The following MMAB variants were observed in gnomAD, a reference collection of about 807,000 sequenced individuals.
MMAB encodes corrinoid adenosyltransferase MMAB.
A neutral mutation model predicts 30.6 loss-of-function variants in MMAB; 17 were observed. The ratio of observed to expected loss-of-function variants is 0.56; its 90% CI spans 0.38 to 0.83. The LOEUF is 0.83. Ranked by LOEUF, MMAB falls within the 40% of genes least tolerant of loss-of-function variation. The pLI, the probability that MMAB is intolerant of heterozygous loss-of-function variation, is 0.00. For missense variants in MMAB, 311 were observed against 331.6 expected (o/e 0.94, Z 0.48); for synonymous variants, 134 against 138.6 (o/e 0.97, Z 0.23).
intron 2 of MMAB, among the ~76,000 whole-genome samples, chr12:109,570,539 C>T (rs910697127): frequency 6.6e-6 from 1 of 152,110 alleles, no homozygotes; most frequent in African/African-American, 2.4e-5. Context: ...AAAAACAATA[C>T]ATACTAGTGG....
chr12:109,572,778 T>C (rs1303788759), intron 1 of MMAB, among the ~76,000 whole-genome samples: 2 of 152,120 alleles, frequency 1.3e-5, no homozygotes, highest in Non-Finnish European at 2.9e-5. Context: ...GCCACTTCCA[T>C]AGTATGAGGC....
At position 109,556,792 on chromosome 12, in the gene MMAB, C is replaced by T. The variant is rs1883993023; in HGVS notation, c.*236G>A. 4 of 643,802 alleles carry T rather than the reference C, an allele frequency of 6.2e-6. No individual in the cohort carries two copies. The highest frequency in any genetic ancestry group is 1.1e-5 in the Non-Finnish European group (4 of 348,736). The allele number at this position is 643,802 out of a possible 1,614,324, so 39.9% of individuals were successfully genotyped here. A position where few individuals can be genotyped will look rare whatever the true frequency, so the allele number is the denominator to read the frequency against. On this transcript the variant is annotated 3_prime_UTR_variant, in exon 9 of 9. Transcript: ENST00000545712. Reference sequence around the variant, plus strand: ...TTCCTGCAATGCCAATTCATTCCCACATCCCTCCAAGACCCAGGAGAGCTT... The same window carrying T: ...TTCCTGCAATGCCAATTCATTCCCATATCCCTCCAAGACCCAGGAGAGCTT...
rs373445302 is a variant in MMAB, at chr12:109,557,231, A to G, written c.645-95T>C. On this transcript the variant is annotated intron_variant, in intron 8 of 8. Transcript: ENST00000545712. ...CCATATCCGCCTACAAGGAGGAGAT[A>G]TAAATGACGCACTCTGGGCACATTG... is the stretch of plus-strand genomic sequence containing the variant. The G allele has an allele frequency of 6.8e-6, 6 of 880,186 alleles. 1 individual carries two copies. 54.5% of individuals were successfully genotyped at this position (880,186 alleles called of 1,614,324 possible).
chr12:109,559,274 G>A (rs1321349063), intron 7 of MMAB, 119 bp from the exon 8 acceptor site: 46 of 784,680 alleles, frequency 5.9e-5, no homozygotes, highest in South Asian at 4.7e-4. Context: ...ACCTGCACAG[G>A]CTCGGCCGGC....
At chr12:109,566,815 C>A (rs926479714) in intron 3 of MMAB, among the ~76,000 whole-genome samples, 1 of 152,266 alleles carries the variant, frequency 6.6e-6, no homozygotes, top group Non-Finnish European at 1.5e-5. Context: ...TCCTCCTCAA[C>A]TGAGAGACGA....
chr12:109,554,115 G>A lies in MMAB; in HGVS notation c.*2913C>T, dbSNP rs901387869. On this transcript the variant is annotated 3_prime_UTR_variant, in exon 9 of 9. Transcript: ENST00000545712. ...GCAGTGGGTGGGAGCTGAGGAGCACGGGGCTGTGAGTGACGAGGCCGCGTC... is the reference window on the plus strand; with the variant it reads ...GCAGTGGGTGGGAGCTGAGGAGCACAGGGCTGTGAGTGACGAGGCCGCGTC... 1.3e-5 allele frequency: 6 copies of A among 454,004 alleles called. No individual in the cohort carries two copies. The highest frequency in any genetic ancestry group is 4.0e-5 in the African/African-American group (2 of 50,104). The allele number at this position is 454,004 out of a possible 1,614,324, so 28.1% of individuals were successfully genotyped here.
intron 7 of MMAB, among the ~76,000 whole-genome samples, chr12:109,560,004 A>C (rs1445840447): frequency 6.6e-6 from 1 of 152,220 alleles, no homozygotes; most frequent in African/African-American, 2.4e-5. Flanking sequence ...TGCTGCATGG[A>C]GGACCTATCA....
In MMAB at chr12:109,556,494, G is replaced by C. The variant is rs566397984; in HGVS notation, c.*534C>G. The C allele has an allele frequency of 2.2e-6, 1 of 453,958 alleles. No individual in the cohort carries two copies. Among genetic ancestry groups the C allele is most frequent in the African/African-American group, 2.0e-5 (1 of 49,984 alleles). 28.1% of individuals were successfully genotyped at this position (453,958 alleles called of 1,614,324 possible). A position where few individuals can be genotyped will look rare whatever the true frequency, so the allele number is the denominator to read the frequency against. On this transcript the variant is annotated 3_prime_UTR_variant, in exon 9 of 9. Transcript: ENST00000545712. Reference sequence around the variant, plus strand: ...TTTGGCGGTGATGGGTGGCTCAGAGGTGACTAAACTTCCAAATCTTGTCCG... The same window carrying C: ...TTTGGCGGTGATGGGTGGCTCAGAGCTGACTAAACTTCCAAATCTTGTCCG...
intron 1 of MMAB, among the ~76,000 whole-genome samples, chr12:109,572,854 A>G (rs539729010): frequency 6.6e-6 from 1 of 152,366 alleles, no homozygotes; most frequent in Non-Finnish European, 1.5e-5. Context: ...TTCAAAAAAC[A>G]ATGTAAACAA....
intron 1 of MMAB, 75 bp downstream of exon 1, chr12:109,573,272 G>T: frequency 1.9e-6 from 3 of 1,591,578 alleles, no homozygotes; most frequent in Non-Finnish European, 1.7e-6. Context: ...ACCTCACGGC[G>T]GTGTGACGTA....
chr12:109,571,012 T>C (rs1884612417), intron 2 of MMAB, among the ~76,000 whole-genome samples: 1 of 152,136 alleles, frequency 6.6e-6, no homozygotes, highest in Admixed American at 6.5e-5. Flanking sequence ...AATAAAAGTA[T>C]GTAAATAGTG....
At chr12:109,557,645 A>G (rs1289077612) in intron 8 of MMAB, among the ~76,000 whole-genome samples, 3 of 152,152 alleles carry the variant, frequency 2.0e-5, no homozygotes, top group Non-Finnish European at 2.9e-5. Context: ...GACATTCTGG[A>G]TCATTCTGTG....
In MMAB at chr12:109,555,873, T is replaced by C. The variant is rs759334977; in HGVS notation, c.*1155A>G. The C allele has an allele frequency of 9.7e-5, 44 of 453,998 alleles. 1 individual carries two copies. Among genetic ancestry groups the C allele is most frequent in the Non-Finnish European group, 1.4e-4 (32 of 226,782 alleles). 28.1% of individuals were successfully genotyped at this position (453,998 alleles called of 1,614,324 possible). A position where few individuals can be genotyped will look rare whatever the true frequency, so the allele number is the denominator to read the frequency against. ...TTTGCTGACTTGCCAGCAAGAAAGA[T>C]GGCCGGAAAGACCAGCTGTCCCGAG... is the stretch of plus-strand genomic sequence containing the variant. On this transcript the variant is annotated 3_prime_UTR_variant, in exon 9 of 9. Coordinates refer to ENST00000545712, the MANE Select transcript of MMAB (RefSeq NM_052845.4).
In MMAB at chr12:109,556,515, G is replaced by T; in HGVS notation, c.*513C>A. The stretch of plus-strand genomic sequence containing the variant: ...AGAGGTGACTAAACTTCCAAATCTT[G>T]TCCGCCTTCCCCTTTACAAATGTGA... On this transcript the variant is annotated 3_prime_UTR_variant, in exon 9 of 9. Coordinates refer to ENST00000545712, the MANE Select transcript of MMAB (RefSeq NM_052845.4). The T allele has an allele frequency of 2.2e-6, 1 of 454,052 alleles. No homozygotes were observed. Among genetic ancestry groups the T allele is most frequent in the Non-Finnish European group, 4.4e-6 (1 of 226,784 alleles). The allele number at this position is 454,052 out of a possible 1,614,324, so 28.1% of individuals were successfully genotyped here.
chr12:109,571,734 T>A (rs1190416382), intron 1 of MMAB, 24 bp from the exon 2 acceptor site: 14 of 1,607,446 alleles, frequency 8.7e-6, no homozygotes, highest in Non-Finnish European at 1.2e-5. Flanking sequence ...AACATCAGTA[T>A]CTGGTGAGTG....
intron 3 of MMAB, among the ~76,000 whole-genome samples, chr12:109,566,220 C>T (rs79445690): frequency 0.039 from 5,920 of 152,288 alleles, 437 homozygotes; most frequent in African/African-American, 0.14. Context: ...ACTGGTGCCT[C>T]CCACTGGCTG....
In MMAB at chr12:109,561,789, CCTCCCGGGCCGAGGAGCATGGTGT is replaced by C. The variant is rs1555274650; in HGVS notation, c.388_411del (p.Thr130_Glu137del). 6.2e-7 allele frequency: 1 copy of C among 1,608,008 alleles called. No homozygotes were observed. ...GGAGTTTGAGAATTACTTAAGTGAG[CCTCCCGGGCCGAGGAGCATGGTGT>C]CGCCAGGGCCGAGCCGACGTCCTGC... On this transcript the variant is annotated inframe_deletion, in exon 5 of 9. Transcript: ENST00000545712. This position sits in a 1 kb window ranked among gnomAD's most constrained non-coding sequence, Gnocchi z 5.3.
In MMAB at chr12:109,573,424, G is replaced by T. The variant is rs10774774; in HGVS notation, c.57C>A (p.Arg19=). ...RLGLGSRLGL[R]GCFGAARLLY... is the part of the protein sequence containing the mutation. ...GGAGCCTGGCGGCGCCGAAGCACCCGCGCAGGCCAAGACGGCTCCCCAGGC... is the reference window on the plus strand; with the variant it reads ...GGAGCCTGGCGGCGCCGAAGCACCCTCGCAGGCCAAGACGGCTCCCCAGGC... Residue 19 remains arginine, a synonymous_variant, in exon 1 of 9, where the codon CGC becomes CGA. Coordinates refer to ENST00000545712, the MANE Select transcript of MMAB (RefSeq NM_052845.4). 0.27 allele frequency: 434,694 copies of T among 1,607,664 alleles called. 60,800 individuals are homozygous for T. Among genetic ancestry groups the T allele is most frequent in the African/African-American group, 0.41 (30,309 of 74,740 alleles).
chr12:109,567,596 C>T (rs1233115320), intron 3 of MMAB, among the ~76,000 whole-genome samples: 3 of 152,096 alleles, frequency 2.0e-5, no homozygotes, highest in East Asian at 1.9e-4. Context: ...AGGCTCTGGC[C>T]GCTGAAATGT....
Sources: allele counts gnomAD v4.1 joint callset (sites outside exome capture counted in the v4.1 genomes callset), GRCh38; gene constraint gnomAD v4.1.1; non-coding constraint Gnocchi (gnomAD v3.1); transcripts MANE v1.5; gene names NCBI Gene and HGNC (gene_info 2026-07-23, HGNC 2026-07-21).